HEPH: variants seen among roughly 807,000 people sequenced by gnomAD.
The protein encoded by HEPH is hephaestin.
A neutral mutation model predicts 80.8 loss-of-function variants in HEPH; 69 were observed. That is an observed-to-expected ratio of 0.85 (90% CI 0.70 to 1.04). The LOEUF is 1.04. Ranked by LOEUF, HEPH falls within the 50% of genes least tolerant of loss-of-function variation. The pLI, the probability that HEPH is intolerant of heterozygous loss-of-function variation, is 0.00. For synonymous variants in HEPH, 431 were observed against 322.8 expected (o/e 1.34, Z -3.60); for missense variants, 1,115 against 891.3 (o/e 1.25, Z -3.20).
chrX:66,257,960 C>T (rs775169853), intron 17 of HEPH, among the ~76,000 whole-genome samples: 1 of 111,713 alleles, frequency 9.0e-6, no homozygotes, highest in Admixed American at 9.5e-5. Flanking sequence ...TGGGAAGAGA[C>T]CCATGCATTA....
rs774866290 is a variant in HEPH, at chrX:66,247,435, G to C, written c.2564-7600G>C. The stretch of plus-strand genomic sequence containing the variant: ...AGTTATCTGATTCTGCCTTCTGCCT[G>C]CTCAAATCTGCTGTTTAACTCTTCT... On this transcript the variant is annotated intron_variant, in intron 15 of 20. Transcript: ENST00000343002. Among the ~76,000 whole-genome samples, 27 of 107,435 alleles carry C rather than the reference G, an allele frequency of 2.5e-4. No individual in the cohort carries two copies. The South Asian group carries it at 0.011, about 45-fold the overall frequency. 93.3% of individuals were successfully genotyped at this position (107,435 alleles called of 115,157 possible).
At chrX:66,205,228 T>C (rs1332221919) in intron 13 of HEPH, among the ~76,000 whole-genome samples, 1 of 111,790 alleles carries the variant, frequency 8.9e-6, no homozygotes, top group Non-Finnish European at 1.9e-5. Context: ...ATCACATAGG[T>C]AGTAAGCATA....
intron 15 of HEPH, among the ~76,000 whole-genome samples, chrX:66,220,569 G>A (rs1358267118): frequency 8.9e-6 from 1 of 111,764 alleles, no homozygotes; most frequent in Non-Finnish European, 1.9e-5. Context: ...CACAAGACCA[G>A]CATCCACATT....
rs1415748581 is a variant in HEPH, at chrX:66,211,933, C to T, written c.2563+3687C>T. On this transcript the variant is annotated intron_variant, in intron 15 of 20. Transcript: ENST00000343002. ...CATACCATGTTTTATAGTGGCTCCA[C>T]TAGTTTACATTTCCACCAATAGTGT... 3.6e-5 allele frequency among the ~76,000 whole-genome samples: 4 copies of T among 111,429 alleles called. No homozygotes were observed. In the Admixed American group the frequency reaches 3.8e-4, roughly 11 times the overall value.
intron 19 of HEPH, among the ~76,000 whole-genome samples, chrX:66,263,291 G>C (rs770681691): frequency 9.0e-6 from 1 of 111,612 alleles, no homozygotes; most frequent in East Asian, 2.8e-4. Context: ...TGAATGTGTA[G>C]AGAAGTAGGT....
At position 66,176,130 on chromosome X, in the gene HEPH, A is replaced by C. The variant is rs188034466; in HGVS notation, c.625+2329A>C. ...GAATGCTTTCAACTTTTCCACATTC[A>C]GTATAATGTTGGCTGTGGGTTTGTC... On this transcript the variant is annotated intron_variant, in intron 4 of 20. Coordinates refer to ENST00000343002, the MANE Select transcript of HEPH (RefSeq NM_001367233.3). Among the ~76,000 whole-genome samples, 12 of 111,985 alleles carry C rather than the reference A, an allele frequency of 1.1e-4. No individual in the cohort carries two copies. In the East Asian group the frequency reaches 3.4e-3, roughly 32 times the overall value.
chrX:66,198,050 T>C (rs1215600986), intron 10 of HEPH, among the ~76,000 whole-genome samples, 156 bp downstream of exon 10: 1 of 112,123 alleles, frequency 8.9e-6, no homozygotes, highest in Non-Finnish European at 1.9e-5. Flanking sequence ...GGTGACCTCA[T>C]ACTATCTTGC....
At chrX:66,260,821 C>G (rs1450791097) in intron 19 of HEPH, among the ~76,000 whole-genome samples, 1 of 109,500 alleles carries the variant, frequency 9.1e-6, no homozygotes, top group East Asian at 2.9e-4. Context: ...GGCTGGAGTG[C>G]TGTGGTGCAA....
At chrX:66,231,235 G>T (rs1381414787) in intron 15 of HEPH, among the ~76,000 whole-genome samples, 1 of 108,995 alleles carries the variant, frequency 9.2e-6, no homozygotes, top group Non-Finnish European at 1.9e-5. Flanking sequence ...TGTTCTTTTG[G>T]CTTAGGATTG....
At chrX:66,238,677 A>T (rs2090454908) in intron 15 of HEPH, among the ~76,000 whole-genome samples, 1 of 111,285 alleles carries the variant, frequency 9.0e-6, no homozygotes, top group African/African-American at 3.3e-5. Flanking sequence ...TGCATTTAAC[A>T]TTTTTTTCTT....
chrX:66,241,044 G>A (rs2090555520), intron 15 of HEPH, among the ~76,000 whole-genome samples: 2 of 111,143 alleles, frequency 1.8e-5, no homozygotes, highest in Admixed American at 9.6e-5. Flanking sequence ...ATATAGACAA[G>A]CACTTAGCAT....
At position 66,189,811 on chromosome X, in the gene HEPH, G is replaced by A; in HGVS notation, c.936G>A (p.Met312Ile). ...ACACAGCATTTTTCCATGGACAGAT[G>A]CTGACTACCCGTGGACACCACACTG... ...DVHTAFFHGQ[M>I]LTTRGHHTDV... The change falls in exon 6 of 21, where the codon ATG becomes ATA. Residue 312 changes from methionine to isoleucine, a missense_variant. Met to Ile is a conservative substitution (Grantham distance 10, BLOSUM62 1). Around this residue, in one of 3 missense-constraint regions of HEPH, gnomAD observed 391 missense variants for 343.6 expected, o/e 1.14. Transcript: ENST00000343002. The A allele has an allele frequency of 8.3e-7, 1 of 1,211,159 alleles. No homozygotes were observed. Among genetic ancestry groups the A allele is most frequent in the Non-Finnish European group, 1.1e-6 (1 of 895,343 alleles).
At chrX:66,203,214 T>C in intron 12 of HEPH, 150 bp from the exon 13 acceptor site, 1 of 460,788 alleles carries the variant, frequency 2.2e-6, no homozygotes, top group South Asian at 3.6e-5. Context: ...TTAAATACTC[T>C]TTTATCTATG....
chrX:66,223,977 G>T (rs2089767796), intron 15 of HEPH, among the ~76,000 whole-genome samples: 1 of 110,631 alleles, frequency 9.0e-6, no homozygotes, highest in Admixed American at 9.7e-5. Context: ...TTAACTTTCT[G>T]ACTTATTACA....
In HEPH at chrX:66,172,516, T is replaced by C. The variant is rs761501755; in HGVS notation, c.329T>C (p.Val110Ala). ...GTGTTGCAGGCTGAAGTGGGGGATG[T>C]CATTCTTATTCACCTGAAGAATTTT... is the stretch of plus-strand genomic sequence containing the variant. Reference protein sequence around the residue: ...GPVLQAEVGDVILIHLKNFAT... With the variant: ...GPVLQAEVGDAILIHLKNFAT... Residue 110 changes from valine to alanine, a missense_variant, in exon 3 of 21, where the codon GTC becomes GCC. Physicochemically the swap from Val to Ala is moderately conservative, Grantham distance 64. Transcript: ENST00000343002. 8 of 1,208,109 alleles carry C rather than the reference T, an allele frequency of 6.6e-6. No individual in the cohort carries two copies. In the Admixed American group the frequency reaches 1.8e-4, roughly 26 times the overall value.
chrX:66,252,092 T>C (rs771245211), intron 15 of HEPH, among the ~76,000 whole-genome samples: 1 of 111,257 alleles, frequency 9.0e-6, no homozygotes, highest in Non-Finnish European at 1.9e-5. Context: ...GTGGATAATA[T>C]GAGATAGACT....
chrX:66,179,024 C>T (rs1378894465), intron 4 of HEPH, among the ~76,000 whole-genome samples: 2 of 111,560 alleles, frequency 1.8e-5, no homozygotes, highest in Non-Finnish European at 3.8e-5. Context: ...CTTGCCCATG[C>T]CTATGTCCTA....
At chrX:66,234,656 A>G (rs1214677687) in intron 15 of HEPH, among the ~76,000 whole-genome samples, 1 of 96,425 alleles carries the variant, frequency 1.0e-5, no homozygotes, top group South Asian at 4.5e-4. Flanking sequence ...TTTTTTTTTT[A>G]GAGGTAGTCT....
chrX:66,188,450 G>A lies in HEPH; in HGVS notation c.717G>A (p.Trp239Ter), dbSNP rs2087605066. ...LFSVVDENLS[W>*]HLNENIATYC... ...GTGTGGTAGATGAGAACCTCAGCTG[G>A]CATCTCAATGAGAACATTGCCACTT... The change falls in exon 5 of 21, where the codon TGG (tryptophan) becomes TGA (stop). Residue 239 changes from tryptophan to a stop codon, truncating the protein, a stop_gained. Coordinates refer to ENST00000343002, the MANE Select transcript of HEPH (RefSeq NM_001367233.3). LOFTEE classifies it high-confidence loss of function. 1 of 1,206,691 alleles carries A rather than the reference G, an allele frequency of 8.3e-7. No individual in the cohort carries two copies.
Sources: gnomAD v4.1 joint callset for allele counts (sites outside exome capture counted in the v4.1 genomes callset) on GRCh38, gnomAD v4.1.1 for gene constraint, gnomAD v4.1.1 regional missense constraint, MANE v1.5 for transcripts, NCBI Gene and HGNC (gene_info 2026-07-23, HGNC 2026-07-21) for gene names.